Variants in TENM3 observed in about 807,000 individuals in gnomAD.
TENM3 encodes teneurin transmembrane protein 3.
Under a neutral mutation model 255.1 loss-of-function variants are expected in TENM3, and 63 were observed. The observed-to-expected ratio is 0.25, with a 90% confidence interval of 0.20 to 0.30. The LOEUF (loss-of-function observed/expected upper bound fraction) is 0.30. Among genes scored for constraint, TENM3 ranks in the 10% least tolerant of loss-of-function variants. The probability of loss-of-function intolerance (pLI) is 1.00; values close to 1 mark genes in which losing one functional copy is unlikely to be tolerated. For missense variants in TENM3, 2,929 were observed against 3,461.1 expected, an observed-to-expected ratio of 0.85 and a Z score of 3.86; for synonymous variants, 1,306 against 1,322.3, an observed-to-expected ratio of 0.99 and a Z score of 0.27.
chr4:181,998,281 ACCTAAGAGGGACCATGC>A, the TENM3 span, among the ~76,000 whole-genome samples: 1 of 152,190 alleles, frequency 6.6e-6, no homozygotes, highest in Non-Finnish European at 1.5e-5. Context: ...GACTTTGCCA[ACCTAAGAGGGACCATGC>A]CCACAAGGAG....
At chr4:182,442,949 T>G (rs1190939688) in intron 3 of TENM3, among the ~76,000 whole-genome samples, 1 of 151,880 alleles carries the variant, frequency 6.6e-6, no homozygotes, top group African/African-American at 2.4e-5. Flanking sequence ...GGTCTTGAAC[T>G]CCTGGGCTCA....
chr4:181,734,813 CCT>C, the TENM3 span, among the ~76,000 whole-genome samples: 1 of 152,142 alleles, frequency 6.6e-6, no homozygotes, highest in African/African-American at 2.4e-5. Context: ...ATAACCAAAA[CCT>C]CTCTTTAAAA....
At chr4:181,527,899 C>T in the TENM3 span, among the ~76,000 whole-genome samples, 1 of 151,750 alleles carries the variant, frequency 6.6e-6, no homozygotes, top group East Asian at 1.9e-4. Context: ...TAAACTTATA[C>T]TTCTGAGTTG....
the TENM3 span, among the ~76,000 whole-genome samples, chr4:181,880,582 T>C: frequency 6.6e-6 from 1 of 152,140 alleles, no homozygotes; most frequent in East Asian, 1.9e-4. Context: ...TTTAGTAACA[T>C]AGTAAAAGTA....
chr4:182,185,865 A>T (rs1753116748), intron 1 of TENM3, among the ~76,000 whole-genome samples: 1 of 152,238 alleles, frequency 6.6e-6, no homozygotes, highest in African/African-American at 2.4e-5. Context: ...GCGGTTGTAC[A>T]TAGAAAACAT....
intron 3 of TENM3, among the ~76,000 whole-genome samples, chr4:182,593,281 G>A (rs1254990731): frequency 6.6e-6 from 1 of 152,206 alleles, no homozygotes; most frequent in Non-Finnish European, 1.5e-5. Context: ...CCCAGGAGGT[G>A]TTTTGTGTAA....
intron 22 of TENM3, among the ~76,000 whole-genome samples, chr4:182,761,302 C>G (rs757314542): frequency 2.8e-4 from 43 of 152,112 alleles, no homozygotes; most frequent in Middle Eastern, 6.8e-3. Context: ...ACCTATAATC[C>G]CAGCTACTCG....
the TENM3 span, among the ~76,000 whole-genome samples, chr4:181,489,366 G>A: frequency 3.9e-5 from 6 of 152,138 alleles, no homozygotes; most frequent in East Asian, 3.9e-4. Flanking sequence ...TTAAAAGTAC[G>A]ATTGTATGTG....
At chr4:182,785,014 C>T (rs944068544) in intron 24 of TENM3, among the ~76,000 whole-genome samples, 1 of 152,180 alleles carries the variant, frequency 6.6e-6, no homozygotes, top group African/African-American at 2.4e-5. Flanking sequence ...TCACCGTCTT[C>T]GGCGTCTCTC....
At chr4:182,666,503 G>A (rs888843817) in intron 6 of TENM3, among the ~76,000 whole-genome samples, 1 of 152,152 alleles carries the variant, frequency 6.6e-6, no homozygotes, top group Admixed American at 6.5e-5. Context: ...CCTACACTGA[G>A]GTAAGATCCT....
At chr4:181,609,069 A>G in the TENM3 span, among the ~76,000 whole-genome samples, 1 of 152,132 alleles carries the variant, frequency 6.6e-6, no homozygotes, top group African/African-American at 2.4e-5. Context: ...AACCTTTGCA[A>G]AAGGAAGACA....
intron 3 of TENM3, among the ~76,000 whole-genome samples, chr4:182,510,125 C>T (rs377497711): frequency 6.6e-6 from 1 of 152,130 alleles, no homozygotes; most frequent in Non-Finnish European, 1.5e-5. Context: ...CAAGTTTTAG[C>T]CTCCAGTTTA....
intron 4 of TENM3, among the ~76,000 whole-genome samples, chr4:182,621,689 TATATATTATATATAAA>T (rs1376557742): frequency 3.5e-4 from 2 of 5,766 alleles, no homozygotes; most frequent in African/African-American, 4.9e-4. Flanking sequence ...AAATATATAA[TATATATTATATATAAA>T]ATATATAATA....
chr4:181,972,728 C>T, the TENM3 span, among the ~76,000 whole-genome samples: 1 of 152,140 alleles, frequency 6.6e-6, no homozygotes, highest in Non-Finnish European at 1.5e-5. Flanking sequence ...CATTGTAAGT[C>T]ACACAATCTT....
rs117434389 is a variant in TENM3 at position 182,436,675 on chromosome 4, A to G, written c.511+89746A>G. Among the ~76,000 whole-genome samples the G allele has an allele frequency of 1.2e-3, 189 of 152,340 alleles. No homozygotes were observed. The East Asian group carries it at 0.034, about 27-fold the overall frequency. The stretch of plus-strand genomic sequence containing the variant: ...ACCAATTTAATAAACATATGATAAT[A>G]TAGGTCACACACACCTTGTTACCTC... On this transcript the variant is annotated intron_variant, in intron 3 of 27. Coordinates refer to ENST00000511685, the MANE Select transcript of TENM3 (RefSeq NM_001080477.4).
At chr4:181,982,191 A>G in the TENM3 span, among the ~76,000 whole-genome samples, 3 of 152,200 alleles carry the variant, frequency 2.0e-5, no homozygotes, top group South Asian at 2.1e-4. Context: ...AGATGATTTC[A>G]GAGGAAGGAA....
At chr4:181,558,211 C>A in the TENM3 span, among the ~76,000 whole-genome samples, 1 of 152,322 alleles carries the variant, frequency 6.6e-6, no homozygotes, top group African/African-American at 2.4e-5. Context: ...ACAAGAGTCT[C>A]ACTTGACACA....
chr4:182,459,806 T>A (rs1257499169), intron 3 of TENM3, among the ~76,000 whole-genome samples: 2 of 152,208 alleles, frequency 1.3e-5, no homozygotes, highest in African/African-American at 4.8e-5. Flanking sequence ...AATACTTGAG[T>A]TTTTCAGGAG....
At chr4:181,521,346 T>C in the TENM3 span, among the ~76,000 whole-genome samples, 1 of 152,334 alleles carries the variant, frequency 6.6e-6, no homozygotes, top group South Asian at 2.1e-4. Context: ...TGCCATTAGC[T>C]TTCTTTAGTT....
Sources: allele counts gnomAD v4.1 joint callset (sites outside exome capture counted in the v4.1 genomes callset), GRCh38; gene constraint gnomAD v4.1.1; transcripts MANE v1.5; gene names NCBI Gene and HGNC (gene_info 2026-07-23, HGNC 2026-07-21).